The following UNC5D variants were observed in gnomAD, a reference collection of about 807,000 sequenced individuals.
UNC5D encodes the protein unc-5 netrin receptor D, also known as netrin receptor UNC5D.
Under a neutral mutation model 105.4 loss-of-function variants are expected in UNC5D, and 39 were observed. That is an observed-to-expected ratio of 0.37 (90% confidence interval 0.29 to 0.48). The LOEUF is 0.48. Ranked by LOEUF, UNC5D falls within the 20% of genes least tolerant of loss-of-function variation. The pLI is 0.98. For synonymous variants in UNC5D, 452 were observed against 450.4 expected, an observed-to-expected ratio of 1.00 and a Z score of -0.04; for missense variants, 991 against 1,202.4, an observed-to-expected ratio of 0.82 and a Z score of 2.60.
chr8:35,304,467 A>G (rs774336832), intron 1 of UNC5D, among the ~76,000 whole-genome samples: 9 of 152,140 alleles, frequency 5.9e-5, no homozygotes, highest in Non-Finnish European at 1.2e-4. Context: ...TAATTTCATA[A>G]TAACTTAATC....
At chr8:35,628,959 G>C (rs117822517) in intron 4 of UNC5D, among the ~76,000 whole-genome samples, 2,585 of 152,194 alleles carry the variant, frequency 0.017, 33 homozygotes, top group South Asian at 0.038. Context: ...ATCTCAAAAT[G>C]AAAACAGTCA....
intron 1 of UNC5D, among the ~76,000 whole-genome samples, chr8:35,419,932 T>G (rs894532167): frequency 1.2e-4 from 18 of 152,054 alleles, no homozygotes; most frequent in African/African-American, 2.9e-4. Flanking sequence ...CCTCTGTGTG[T>G]GGGGTGGGGA....
At chr8:35,266,106 T>A (rs1804853571) in intron 1 of UNC5D, among the ~76,000 whole-genome samples, 1 of 152,126 alleles carries the variant, frequency 6.6e-6, no homozygotes, top group Non-Finnish European at 1.5e-5. Flanking sequence ...GCAAACCTCT[T>A]ATTTTTTTCT....
At chr8:35,640,544 T>A (rs1012469986) in intron 4 of UNC5D, among the ~76,000 whole-genome samples, 17 of 152,164 alleles carry the variant, frequency 1.1e-4, no homozygotes, top group Admixed American at 6.6e-5. Flanking sequence ...TAACTCCACA[T>A]GAGCAAGAAG....
chr8:35,236,119 T>C (rs1802442605), intron 1 of UNC5D, among the ~76,000 whole-genome samples: 1 of 152,102 alleles, frequency 6.6e-6, no homozygotes, highest in African/African-American at 2.4e-5. Flanking sequence ...CCCCTACCGT[T>C]TTCCTGGACC....
intron 1 of UNC5D, among the ~76,000 whole-genome samples, chr8:35,272,688 G>A (rs1278208583): frequency 6.6e-6 from 1 of 152,178 alleles, no homozygotes; most frequent in Non-Finnish European, 1.5e-5. Flanking sequence ...ACTCAGGGGT[G>A]CTGTAGGACT....
intron 1 of UNC5D, among the ~76,000 whole-genome samples, chr8:35,283,494 G>T (rs1806352838): frequency 6.6e-6 from 1 of 152,136 alleles, no homozygotes; most frequent in African/African-American, 2.4e-5. Context: ...AGGCATGGTG[G>T]CTCACACCTG....
chr8:35,546,120 C>T (rs896496488), intron 1 of UNC5D, among the ~76,000 whole-genome samples: 7 of 152,114 alleles, frequency 4.6e-5, no homozygotes, highest in Non-Finnish European at 1.0e-4. Flanking sequence ...TGTTCTCAAA[C>T]TCCTGGGCTC....
At chr8:35,536,338 A>C (rs1296051880) in intron 1 of UNC5D, among the ~76,000 whole-genome samples, 4 of 152,222 alleles carry the variant, frequency 2.6e-5, no homozygotes, top group Admixed American at 6.5e-5. Flanking sequence ...ATTAGGAAAA[A>C]TAACAAAGGA....
chr8:35,433,026 TA>T, intron 1 of UNC5D, among the ~76,000 whole-genome samples: 1 of 152,306 alleles, frequency 6.6e-6, no homozygotes, highest in Middle Eastern at 3.4e-3. Flanking sequence ...CCTTAATAAC[TA>T]AAAAAGTGTT....
chr8:35,583,888 CCTT>C (rs766460372), intron 3 of UNC5D, among the ~76,000 whole-genome samples: 105 of 152,246 alleles, frequency 6.9e-4, no homozygotes, highest in Middle Eastern at 3.4e-3. Flanking sequence ...AAACAGCAAT[CCTT>C]CTTTCTACAG....
intron 4 of UNC5D, among the ~76,000 whole-genome samples, chr8:35,627,780 T>G (rs747751644): frequency 6.6e-6 from 1 of 151,934 alleles, no homozygotes; most frequent in Non-Finnish European, 1.5e-5. Flanking sequence ...AATAGAAAAA[T>G]TAGCCAGGCG....
chr8:35,258,982 G>A (rs1804264230), intron 1 of UNC5D, among the ~76,000 whole-genome samples: 1 of 152,148 alleles, frequency 6.6e-6, no homozygotes. Flanking sequence ...CCCGTTATCT[G>A]GAGAAGTACT....
intron 1 of UNC5D, among the ~76,000 whole-genome samples, chr8:35,368,078 AC>A (rs1413361876): frequency 6.6e-6 from 1 of 152,186 alleles, no homozygotes. Context: ...AATTATGTCC[AC>A]TAAGTGACAT....
chr8:35,310,465 C>A (rs1585555011), intron 1 of UNC5D, among the ~76,000 whole-genome samples: 1 of 151,894 alleles, frequency 6.6e-6, no homozygotes, highest in African/African-American at 2.4e-5. Context: ...AATAAAAATT[C>A]AAAAATCTGC....
In UNC5D at chr8:35,235,481, T is replaced by G. The variant is rs964280781; in HGVS notation, c.-304T>G. On this transcript the variant is annotated 5_prime_UTR_variant, in exon 1 of 17. Transcript: ENST00000404895. ...GCGGACTCTCGCCTCCGCTCCGTAG[T>G]TCGGGGCCCGGCAGCGGCGCGAGGG... The G allele has an allele frequency of 1.1e-5, 3 of 268,472 alleles. No individual in the cohort carries two copies. The highest frequency in any genetic ancestry group is 1.1e-4 in the Admixed American group (2 of 18,564). 16.6% of individuals were successfully genotyped at this position (268,472 alleles called of 1,614,324 possible).
intron 1 of UNC5D, among the ~76,000 whole-genome samples, chr8:35,309,192 G>A (rs776552687): frequency 2.8e-4 from 42 of 152,104 alleles, no homozygotes; most frequent in Non-Finnish European, 3.5e-4. Flanking sequence ...CAATGATGAT[G>A]CCTATTTCAA....
At chr8:35,552,362 A>G (rs1013687140) in intron 2 of UNC5D, among the ~76,000 whole-genome samples, 9 of 152,212 alleles carry the variant, frequency 5.9e-5, no homozygotes, top group Non-Finnish European at 1.3e-4. Context: ...CTTTGCCTAT[A>G]GATTTCTATA....
intron 1 of UNC5D, among the ~76,000 whole-genome samples, chr8:35,266,733 T>C (rs1804900738): frequency 6.6e-6 from 1 of 152,154 alleles, no homozygotes; most frequent in Admixed American, 6.6e-5. Flanking sequence ...GGGGCTGGAA[T>C]CAAATGCAAG....
Sources: allele counts gnomAD v4.1 joint callset (sites outside exome capture counted in the v4.1 genomes callset), GRCh38; gene constraint gnomAD v4.1.1; transcripts MANE v1.5; gene names NCBI Gene and HGNC (gene_info 2026-07-23, HGNC 2026-07-21).